The following CCDC126 variants were observed in gnomAD, a reference collection of about 807,000 sequenced individuals.
CCDC126 encodes coiled-coil domain containing 126.
A neutral mutation model predicts 11.7 loss-of-function variants in CCDC126; 5 were observed. The ratio of observed to expected loss-of-function variants is 0.43; its 90% CI spans 0.22 to 0.90. CCDC126 has a LOEUF of 0.90. CCDC126 is among the 40% of genes least tolerant of loss of function. The pLI is 0.27. For missense variants in CCDC126, 150 were observed against 163.1 expected (o/e 0.92, Z 0.44); for synonymous variants, 60 against 61.9 (o/e 0.97, Z 0.14).
chr7:23,603,464 C>A (rs577606455), intron 2 of CCDC126, among the ~76,000 whole-genome samples: 1 of 152,310 alleles, frequency 6.6e-6, no homozygotes, highest in Admixed American at 6.5e-5. Flanking sequence ...CAAACACAAT[C>A]TTTCTAGGGG....
intron 3 of CCDC126, among the ~76,000 whole-genome samples, chr7:23,615,818 G>C (rs1269962174): frequency 2.0e-5 from 3 of 152,216 alleles, no homozygotes. Context: ...TATATAGATA[G>C]AATTCAAGGT....
At chr7:23,633,661 C>T (rs1486904722) in intron 3 of CCDC126, among the ~76,000 whole-genome samples, 2 of 152,018 alleles carry the variant, frequency 1.3e-5, no homozygotes, top group Non-Finnish European at 2.9e-5. Context: ...ATCGGGAGTT[C>T]GATACCAGCC....
intron 3 of CCDC126, among the ~76,000 whole-genome samples, chr7:23,641,210 G>A (rs1227426442): frequency 6.6e-6 from 1 of 152,026 alleles, no homozygotes; most frequent in African/African-American, 2.4e-5. Flanking sequence ...CCTAGTAAGT[G>A]TGAAATGGTA....
rs191117732 is a variant in CCDC126 at position 23,639,797 on chromosome 7, A to G, written c.239-3134A>G. Among the ~76,000 whole-genome samples, 855 of 151,490 alleles carry G rather than the reference A, an allele frequency of 5.6e-3. 11 individuals are homozygous for G. Among genetic ancestry groups the G allele is most frequent in the African/African-American group, 0.02 (824 of 41,498 alleles). On this transcript the variant is annotated intron_variant, in intron 3 of 3. Coordinates refer to ENST00000307471, the MANE Select transcript of CCDC126 (RefSeq NM_138771.4). The stretch of plus-strand genomic sequence containing the variant: ...TTTTTGATCACCCTCTATCACGACC[A>G]CTACGGTAGTACTACTCCTTTCTGA...
At chr7:23,615,178 T>A (rs959904657) in intron 3 of CCDC126, among the ~76,000 whole-genome samples, 2 of 152,244 alleles carry the variant, frequency 1.3e-5, no homozygotes, top group African/African-American at 2.4e-5. Flanking sequence ...GTCTTCTAGA[T>A]AACTTGCTGC....
intron 3 of CCDC126, among the ~76,000 whole-genome samples, chr7:23,633,869 G>A (rs922078288): frequency 6.6e-6 from 1 of 151,922 alleles, no homozygotes; most frequent in African/African-American, 2.4e-5. Flanking sequence ...AAAAAAGAAA[G>A]AAAAAAGAAA....
chr7:23,623,720 T>C (rs146837051), intron 3 of CCDC126, among the ~76,000 whole-genome samples: 3,118 of 152,292 alleles, frequency 0.02, 121 homozygotes, highest in African/African-American at 0.071. Context: ...TGGGGTATTA[T>C]ACATTTCAAA....
In CCDC126 at chr7:23,634,094, T is replaced by C. The variant is rs552492297; in HGVS notation, c.239-8837T>C. ...TATTTAGACCTGCCTCTCTACAAAA[T>C]AGATTTGAGGCAGCTGACATTAAGA... On this transcript the variant is annotated intron_variant, in intron 3 of 3. Transcript: ENST00000307471. Among the ~76,000 whole-genome samples, 4 of 152,302 alleles carry C rather than the reference T, an allele frequency of 2.6e-5. No homozygotes were observed. The East Asian group carries it at 7.7e-4, about 29-fold the overall frequency.
intron 2 of CCDC126, among the ~76,000 whole-genome samples, chr7:23,603,769 G>A (rs959563263): frequency 6.6e-6 from 1 of 152,142 alleles, no homozygotes; most frequent in Admixed American, 6.6e-5. Context: ...GGAGAAGGTG[G>A]GGTTAGGTTC....
intron 3 of CCDC126, among the ~76,000 whole-genome samples, chr7:23,612,487 A>AC (rs1782732258): frequency 2.0e-5 from 3 of 150,066 alleles, no homozygotes; most frequent in African/African-American, 7.3e-5. Context: ...AAAAAAAAAA[A>AC]AAAAAAAAAA....
In CCDC126 at chr7:23,643,075, C is replaced by T; in HGVS notation, c.383C>T (p.Thr128Ile). The T allele has an allele frequency of 1.2e-6, 2 of 1,614,060 alleles. No individual in the cohort carries two copies. Among genetic ancestry groups the T allele is most frequent in the Non-Finnish European group, 1.7e-6 (2 of 1,179,984 alleles). ...ACTAGTGGGAATTTGGTGCCAGTAACCACAAATAAAAGAACGAATGTCTCG... is the reference window on the plus strand; with the variant it reads ...ACTAGTGGGAATTTGGTGCCAGTAATCACAAATAAAAGAACGAATGTCTCG... ...NGTSGNLVPVTTNKRTNVSGS... is the reference protein window; with the variant it reads ...NGTSGNLVPVITNKRTNVSGS... Residue 128 changes from threonine to isoleucine, a missense_variant, in exon 4 of 4, where the codon ACC becomes ATC. Physicochemically the swap from Thr to Ile is moderately conservative, Grantham distance 89. Transcript: ENST00000307471.
chr7:23,603,141 A>G (rs1184239650), intron 2 of CCDC126, among the ~76,000 whole-genome samples: 1 of 152,174 alleles, frequency 6.6e-6, no homozygotes, highest in Non-Finnish European at 1.5e-5. Flanking sequence ...GATCATGGTG[A>G]AGGTCTCTAC....
At chr7:23,622,431 C>CT (rs1306075646) in intron 3 of CCDC126, 1 of 365,448 alleles carries the variant, frequency 2.7e-6, no homozygotes. Context: ...GTGATCTCTC[C>CT]TTTATCATTT....
At chr7:23,621,554 A>G (rs1474683925) in intron 3 of CCDC126, among the ~76,000 whole-genome samples, 2 of 152,228 alleles carry the variant, frequency 1.3e-5, no homozygotes, top group Non-Finnish European at 2.9e-5. Context: ...CTCTTTTCCT[A>G]ATTGAATACT....
intron 3 of CCDC126, chr7:23,622,512 T>C (rs938471282): frequency 2.1e-6 from 1 of 483,234 alleles, no homozygotes; most frequent in African/African-American, 2.0e-5. Flanking sequence ...AAACTGGATT[T>C]AGTGCAGTCA....
At chr7:23,622,968 CTTT>C (rs1228157804) in intron 3 of CCDC126, 224 of 91,986 alleles carry the variant, frequency 2.4e-3, no homozygotes, top group South Asian at 9.5e-3. Flanking sequence ...TATGCTCACT[CTTT>C]TTTTTTTTTT....
chr7:23,607,087 G>A (rs561936389), intron 2 of CCDC126, among the ~76,000 whole-genome samples: 169 of 152,266 alleles, frequency 1.1e-3, no homozygotes, highest in African/African-American at 3.9e-3. Context: ...GCAACAGAGC[G>A]AGACCCTGTC....
intron 3 of CCDC126, among the ~76,000 whole-genome samples, chr7:23,617,516 T>C (rs1782816449): frequency 6.6e-6 from 1 of 152,036 alleles, no homozygotes; most frequent in Admixed American, 6.6e-5. Context: ...CACTAAAAGG[T>C]TGATGGCAAA....
At chr7:23,638,395 C>A (rs1457273564) in intron 3 of CCDC126, among the ~76,000 whole-genome samples, 1 of 89,096 alleles carries the variant, frequency 1.1e-5, no homozygotes, top group Admixed American at 1.1e-4. Flanking sequence ...GCCTTGGGAT[C>A]CTGTTGATCT....
Sources: gnomAD v4.1 joint callset for allele counts (sites outside exome capture counted in the v4.1 genomes callset) on GRCh38, gnomAD v4.1.1 for gene constraint, MANE v1.5 for transcripts, NCBI Gene and HGNC (gene_info 2026-07-23, HGNC 2026-07-21) for gene names.